Variants in SLC35H1 observed in about 807,000 individuals in gnomAD.
The protein encoded by SLC35H1 is solute carrier family 35 member H1, also known as ovarian cancer-overexpressed gene 1 protein.
At chr20:46,354,846 C>T in the SLC35H1 span, 1 of 1,538,760 alleles carries the variant, frequency 6.5e-7, no homozygotes, top group African/African-American at 1.4e-5. Context: ...TGGTCTGCTG[C>T]ACTGAGGTGC....
At chr20:46,358,542 CG>C in the SLC35H1 span, 3 of 1,614,030 alleles carry the variant, frequency 1.9e-6, no homozygotes, top group South Asian at 1.1e-5. Flanking sequence ...CCTGAGTCAG[CG>C]GGGGCAGGCA....
At chr20:46,360,719 T>G in the SLC35H1 span, among the ~76,000 whole-genome samples, 3 of 152,080 alleles carry the variant, frequency 2.0e-5, no homozygotes, top group African/African-American at 7.2e-5. Context: ...CGGCTAATTT[T>G]TTATATTTTT....
chr20:46,351,338 C>T, the SLC35H1 span, among the ~76,000 whole-genome samples: 1 of 152,256 alleles, frequency 6.6e-6, no homozygotes, highest in Non-Finnish European at 1.5e-5. Context: ...CAAGGCCGTT[C>T]ATCCAAGAAC....
the SLC35H1 span, among the ~76,000 whole-genome samples, chr20:46,360,575 G>A: frequency 3.3e-5 from 5 of 151,404 alleles, no homozygotes; most frequent in Admixed American, 2.0e-4. Context: ...ACGAAGTTTC[G>A]CTCCTGTTGC....
At chr20:46,355,235 CCG>C in the SLC35H1 span, 1 of 1,613,228 alleles carries the variant, frequency 6.2e-7, no homozygotes, top group Non-Finnish European at 8.5e-7. This position sits in a 1 kb window ranked among gnomAD's most constrained non-coding sequence, Gnocchi z 4.8. Flanking sequence ...AGGACCAGTG[CCG>C]CGCGCTGGTA....
At chr20:46,356,714 C>T in the SLC35H1 span, 1 of 1,403,352 alleles carries the variant, frequency 7.1e-7, no homozygotes, top group Non-Finnish European at 9.9e-7. Context: ...CCTGAGGCAC[C>T]TGAGTGTCCC....
chr20:46,351,143 AGATCCCAGGCTGGGGACCAGGGT>A, the SLC35H1 span, among the ~76,000 whole-genome samples: 1 of 152,254 alleles, frequency 6.6e-6, no homozygotes, highest in Non-Finnish European at 1.5e-5. Flanking sequence ...GAGGCAAACC[AGATCCCAGGCTGGGGACCAGGGT>A]GTCCAGATCG....
chr20:46,358,798 G>T, the SLC35H1 span: 1 of 1,307,838 alleles, frequency 7.6e-7, no homozygotes, highest in Non-Finnish European at 1.1e-6. Context: ...GGAGCCTCAG[G>T]CAGAGACTGT....
the SLC35H1 span, chr20:46,352,174 C>A: frequency 6.2e-7 from 1 of 1,614,220 alleles, no homozygotes. Context: ...CCCGCAGGAG[C>A]AGCCCTGTGT....
At chr20:46,351,366 A>T in the SLC35H1 span, among the ~76,000 whole-genome samples, 1 of 152,242 alleles carries the variant, frequency 6.6e-6, no homozygotes, top group African/African-American at 2.4e-5. Context: ...ATGCCTCAGC[A>T]TGCGGCTGGC....
At chr20:46,351,203 G>C in the SLC35H1 span, among the ~76,000 whole-genome samples, 22 of 152,242 alleles carry the variant, frequency 1.4e-4, no homozygotes, top group African/African-American at 5.1e-4. Flanking sequence ...ATAAAGGACG[G>C]CTGCCCCAGA....
At chr20:46,351,176 G>A in the SLC35H1 span, among the ~76,000 whole-genome samples, 36 of 152,224 alleles carry the variant, frequency 2.4e-4, no homozygotes, top group African/African-American at 7.5e-4. Context: ...TGTCCAGATC[G>A]CGCCTTATCC....
the SLC35H1 span, chr20:46,364,080 C>T: frequency 0.99 from 151,564 of 152,416 alleles, 75,362 homozygotes; most frequent in Middle Eastern, 1. Flanking sequence ...GGAAGCAGCC[C>T]CTCAGAGGGC....
chr20:46,346,511 T>C, the SLC35H1 span: 2 of 152,232 alleles, frequency 1.3e-5, no homozygotes, highest in African/African-American at 4.8e-5. Context: ...CCGGGTGCGA[T>C]GGCTCACACC....
At chr20:46,351,156 G>A in the SLC35H1 span, among the ~76,000 whole-genome samples, 53 of 152,366 alleles carry the variant, frequency 3.5e-4, no homozygotes, top group South Asian at 3.1e-3. Context: ...TCCCAGGCTG[G>A]GGACCAGGGT....
the SLC35H1 span, among the ~76,000 whole-genome samples, chr20:46,360,038 C>T: frequency 1.3e-5 from 2 of 152,172 alleles, no homozygotes; most frequent in African/African-American, 2.4e-5. Flanking sequence ...TGGGGATATG[C>T]TCCTGGCGTT....
the SLC35H1 span, chr20:46,359,065 T>C: frequency 2.6e-6 from 1 of 387,768 alleles, no homozygotes; most frequent in Non-Finnish European, 4.9e-6. Context: ...TCCCATGGCC[T>C]CATCTGGCCC....
chr20:46,350,848 G>C, the SLC35H1 span: 1 of 1,614,022 alleles, frequency 6.2e-7, no homozygotes. Context: ...AGGCTGATCT[G>C]ATCGCCCAGC....
chr20:46,356,471 A>G, the SLC35H1 span: 1 of 1,139,932 alleles, frequency 8.8e-7, no homozygotes, highest in Non-Finnish European at 1.3e-6. Flanking sequence ...CTGGTCCCAG[A>G]GTGGTGGAGT....
Sources: allele counts gnomAD v4.1 joint callset (sites outside exome capture counted in the v4.1 genomes callset), GRCh38; gene constraint gnomAD v4.1.1; non-coding constraint Gnocchi (gnomAD v3.1); transcripts MANE v1.5; gene names NCBI Gene and HGNC (gene_info 2026-07-23, HGNC 2026-07-21).